Variants in GALK2 observed in about 807,000 individuals in gnomAD.
The protein encoded by GALK2 is N-acetylgalactosamine kinase.
GALK2 carries 36 observed loss-of-function variants against 52.4 expected under a neutral mutation model. The ratio of observed to expected loss-of-function variants is 0.69; its 90% CI spans 0.53 to 0.91. The LOEUF (loss-of-function observed/expected upper bound fraction) is 0.91. Ranked by LOEUF, GALK2 falls within the 40% of genes least tolerant of loss-of-function variation. The pLI is 0.00. For synonymous variants in GALK2, 176 were observed against 199.1 expected, an observed-to-expected ratio of 0.88 and a Z score of 0.98; for missense variants, 579 against 559.1, an observed-to-expected ratio of 1.04 and a Z score of -0.36.
intron 2 of GALK2, among the ~76,000 whole-genome samples, chr15:49,214,816 G>A (rs907333035): frequency 7.2e-5 from 11 of 152,244 alleles, no homozygotes; most frequent in African/African-American, 2.6e-4. Flanking sequence ...ACCACTACCA[G>A]TGAGTTCTGT....
intron 5 of GALK2, among the ~76,000 whole-genome samples, chr15:49,251,046 C>A (rs2091574956): frequency 6.6e-6 from 1 of 152,028 alleles, no homozygotes; most frequent in Non-Finnish European, 1.5e-5. Context: ...GAACACTTCC[C>A]AACTTGTATT....
chr15:49,230,749 C>G (rs1278136568), intron 3 of GALK2, among the ~76,000 whole-genome samples: 1 of 152,128 alleles, frequency 6.6e-6, no homozygotes, highest in East Asian at 1.9e-4. Flanking sequence ...CTTTGAAGAA[C>G]AAGTAAATGA....
intron 2 of GALK2, among the ~76,000 whole-genome samples, chr15:49,207,263 A>T (rs1481902130): frequency 6.6e-6 from 1 of 152,202 alleles, no homozygotes; most frequent in East Asian, 1.9e-4. Flanking sequence ...GGATTTTAGC[A>T]TCTATGTTCA....
At chr15:49,212,057 A>C (rs12437486) in intron 2 of GALK2, among the ~76,000 whole-genome samples, 89,498 of 151,948 alleles carry the variant, frequency 0.59, 26,505 homozygotes, top group Middle Eastern at 0.66. Flanking sequence ...AAAAAAAATT[A>C]TCTGACTTTA....
chr15:49,176,834 C>T (rs1031175701), intron 1 of GALK2, among the ~76,000 whole-genome samples: 19 of 152,106 alleles, frequency 1.2e-4, no homozygotes, highest in African/African-American at 4.6e-4. Context: ...CTGGGTTAGA[C>T]CAGCCTCCTA....
chr15:49,156,147 C>CA, intron 1 of GALK2: 2 of 880,826 alleles, frequency 2.3e-6, no homozygotes, highest in South Asian at 1.5e-5. Context: ...GTTGACAAAA[C>CA]AATTCTATGG....
intron 8 of GALK2, among the ~76,000 whole-genome samples, chr15:49,303,154 GAAA>G (rs972723461): frequency 2.6e-5 from 4 of 151,682 alleles, no homozygotes; most frequent in African/African-American, 9.7e-5. Context: ...GTTTCCTAGG[GAAA>G]AAAAATGGGC....
intron 1 of GALK2, among the ~76,000 whole-genome samples, chr15:49,158,417 A>G (rs2141144132): frequency 6.6e-6 from 1 of 152,376 alleles, no homozygotes; most frequent in Admixed American, 6.5e-5. Flanking sequence ...TTGTTTTAAG[A>G]AAACATGAAA....
intron 3 of GALK2, among the ~76,000 whole-genome samples, chr15:49,223,572 A>G (rs535349987): frequency 2.6e-5 from 4 of 152,146 alleles, no homozygotes; most frequent in East Asian, 3.9e-4. Context: ...CTCAGTGTCT[A>G]TTGTTCCCAT....
At chr15:49,367,593 T>G in exon 4 of GALK2, 1 of 1,588,780 alleles carries the variant, frequency 6.3e-7, no homozygotes, top group Non-Finnish European at 8.5e-7. Context: ...TCTGGACCAG[T>G]ACTACTATAG....
chr15:49,324,447 T>C (rs2151095742), intron 9 of GALK2, among the ~76,000 whole-genome samples: 1 of 145,050 alleles, frequency 6.9e-6, no homozygotes, highest in African/African-American at 2.5e-5. Flanking sequence ...CCCTTAGGGG[T>C]TCACTTCTCT....
At chr15:49,239,880 A>G (rs2091008235) in intron 5 of GALK2, among the ~76,000 whole-genome samples, 1 of 152,254 alleles carries the variant, frequency 6.6e-6, no homozygotes, top group Non-Finnish European at 1.5e-5. Flanking sequence ...GAAAGCCTCA[A>G]GTTTATAAGT....
At chr15:49,224,000 C>T (rs938580909) in intron 3 of GALK2, among the ~76,000 whole-genome samples, 1 of 152,068 alleles carries the variant, frequency 6.6e-6, no homozygotes, top group Non-Finnish European at 1.5e-5. Context: ...CTAATTTACA[C>T]TCCCACCAAG....
At chr15:49,361,754 A>G (rs2044281943) in intron 3 of GALK2, among the ~76,000 whole-genome samples, 1 of 152,166 alleles carries the variant, frequency 6.6e-6, no homozygotes, top group South Asian at 2.1e-4. Flanking sequence ...TCCTTTGGGT[A>G]TATACTCAGT....
upstream of GALK2, among the ~76,000 whole-genome samples, chr15:49,167,502 C>T (rs1019248860): frequency 5.3e-5 from 8 of 152,054 alleles, no homozygotes; most frequent in Non-Finnish European, 7.4e-5. Flanking sequence ...GGATTACAGG[C>T]GCCCGCCACC....
chr15:49,321,228 TGAGAACAGCAA>T (rs2036846260), intron 9 of GALK2, among the ~76,000 whole-genome samples: 1 of 111,040 alleles, frequency 9.0e-6, no homozygotes, highest in Non-Finnish European at 1.7e-5. Context: ...GGTGAATAAA[TGAGAACAGCAA>T]ATGCATAGGC....
chr15:49,324,766 ATATAT>A (rs901622778), intron 9 of GALK2, among the ~76,000 whole-genome samples: 4 of 151,996 alleles, frequency 2.6e-5, no homozygotes, highest in Admixed American at 2.6e-4. Flanking sequence ...TGCTTATATT[ATATAT>A]AATTTTTAAA....
At chr15:49,233,106 G>C (rs2090597039) in intron 3 of GALK2, among the ~76,000 whole-genome samples, 1 of 152,308 alleles carries the variant, frequency 6.6e-6, no homozygotes, top group Non-Finnish European at 1.5e-5. Flanking sequence ...ACCTGAGACT[G>C]AGTGATTTAT....
At chr15:49,277,525 C>T (rs1205657096) in intron 5 of GALK2, among the ~76,000 whole-genome samples, 7 of 146,908 alleles carry the variant, frequency 4.8e-5, no homozygotes, top group African/African-American at 1.0e-4. Flanking sequence ...TGGCCGGGCG[C>T]GGTGGCTCAC....
Sources: gnomAD v4.1 joint callset for allele counts (sites outside exome capture counted in the v4.1 genomes callset) on GRCh38, gnomAD v4.1.1 for gene constraint, MANE v1.5 for transcripts, NCBI Gene and HGNC (gene_info 2026-07-23, HGNC 2026-07-21) for gene names.